Variants in PCDH9 observed in about 807,000 individuals in gnomAD.
PCDH9 encodes the protein protocadherin-9.
PCDH9 carries 24 observed loss-of-function variants against 70.6 expected under a neutral mutation model. The observed-to-expected ratio is 0.34, with a 90% CI of 0.25 to 0.48. The LOEUF is 0.48. Ranked by LOEUF, PCDH9 falls within the 20% of genes least tolerant of loss-of-function variation. The probability of loss-of-function intolerance (pLI) is 0.99; values close to 1 mark genes in which losing one functional copy is unlikely to be tolerated. For missense variants in PCDH9, 1,281 were observed against 1,503.6 expected (o/e 0.85, Z 2.45); for synonymous variants, 562 against 558.5 (o/e 1.01, Z -0.09).
At chr13:66,930,737 A>G (rs1195993515) in intron 2 of PCDH9, among the ~76,000 whole-genome samples, 2 of 152,138 alleles carry the variant, frequency 1.3e-5, no homozygotes, top group Non-Finnish European at 2.9e-5. Flanking sequence ...CTAGAAAAAA[A>G]ACAAGCAATA....
At chr13:66,782,341 G>A (rs1395624894) in intron 3 of PCDH9, among the ~76,000 whole-genome samples, 2 of 152,070 alleles carry the variant, frequency 1.3e-5, no homozygotes, top group Non-Finnish European at 2.9e-5. Flanking sequence ...GAAAGCAAGA[G>A]AGAATGCAGG....
intron 2 of PCDH9, among the ~76,000 whole-genome samples, chr13:66,992,321 C>CT (rs2084019645): frequency 6.6e-6 from 1 of 152,156 alleles, no homozygotes; most frequent in African/African-American, 2.4e-5. Context: ...TACTGCCACT[C>CT]TGTCAAGAAC....
intron 3 of PCDH9, among the ~76,000 whole-genome samples, chr13:66,867,976 T>G (rs1339599762): frequency 6.6e-6 from 1 of 152,038 alleles, no homozygotes; most frequent in African/African-American, 2.4e-5. Context: ...ATAGTATGTA[T>G]TCATATAAAT....
intron 4 of PCDH9, among the ~76,000 whole-genome samples, chr13:66,624,214 T>A (rs1418875645): frequency 1.3e-5 from 2 of 152,226 alleles, no homozygotes; most frequent in Non-Finnish European, 2.9e-5. Flanking sequence ...ATCATCCTAG[T>A]TATATTTGTT....
chr13:66,841,221 A>T (rs1382883503), intron 3 of PCDH9, among the ~76,000 whole-genome samples: 2 of 152,358 alleles, frequency 1.3e-5, no homozygotes, highest in South Asian at 2.1e-4. Context: ...GTTTTACAAC[A>T]GCCTACAGCC....
intron 3 of PCDH9, among the ~76,000 whole-genome samples, chr13:66,852,433 T>G (rs1199825906): frequency 6.6e-6 from 1 of 152,056 alleles, no homozygotes; most frequent in Non-Finnish European, 1.5e-5. Flanking sequence ...CCTATAAAGG[T>G]AAAACATTTA....
intron 2 of PCDH9, among the ~76,000 whole-genome samples, chr13:67,191,011 T>C (rs12857617): frequency 0.12 from 18,824 of 152,056 alleles, 1,296 homozygotes; most frequent in South Asian, 0.18. Flanking sequence ...GGTCTTGACC[T>C]CCATTCTATT....
At chr13:66,481,682 C>G (rs887060755) in intron 4 of PCDH9, among the ~76,000 whole-genome samples, 1 of 152,140 alleles carries the variant, frequency 6.6e-6, no homozygotes, top group African/African-American at 2.4e-5. Flanking sequence ...TTTAAAACAT[C>G]TGTGTTGTTA....
intron 2 of PCDH9, among the ~76,000 whole-genome samples, chr13:67,105,353 G>A (rs1412219473): frequency 6.6e-6 from 1 of 151,940 alleles, no homozygotes; most frequent in Non-Finnish European, 1.5e-5. Context: ...AAAACATAAG[G>A]AGCAGGACAT....
chr13:66,338,405 G>T (rs1956072513), intron 4 of PCDH9, among the ~76,000 whole-genome samples: 1 of 151,952 alleles, frequency 6.6e-6, no homozygotes, highest in African/African-American at 2.4e-5. Flanking sequence ...AAAATGAGAG[G>T]TTTTACAAAT....
At position 67,225,848 on chromosome 13, in the gene PCDH9, G is replaced by C. The variant is rs774845137; in HGVS notation, c.2593C>G (p.Gln865Glu). 6 of 1,613,884 alleles carry C rather than the reference G, an allele frequency of 3.7e-6. No homozygotes were observed. Among genetic ancestry groups the C allele is most frequent in the South Asian group, 3.3e-5 (3 of 91,078 alleles). Reference protein sequence around the residue: ...EWMSPNQENKQNKKKKRKKRK... With the variant: ...EWMSPNQENKENKKKKRKKRK... The stretch of plus-strand genomic sequence containing the variant: ...TTCTTTCTTTTCTTTTTCTTGTTTT[G>C]CTTGTTCTCCTGGTTTGGGGACATC... The change falls in exon 2 of 5, where the codon CAA (glutamine) becomes GAA (glutamate). Residue 865 changes from glutamine (Q) to glutamate (E), a missense_variant. Around this residue, in one of 4 missense-constraint regions of PCDH9, gnomAD observed 207 missense variants for 191.8 expected, o/e 1.08. Transcript: ENST00000377865.
At chr13:66,681,982 GT>G (rs959545512) in intron 3 of PCDH9, among the ~76,000 whole-genome samples, 2 of 83,376 alleles carry the variant, frequency 2.4e-5, no homozygotes, top group African/African-American at 1.1e-4. Context: ...AGAGATTTTG[GT>G]TTTTGTTTTG....
chr13:66,814,781 T>A (rs1183386991), intron 3 of PCDH9, among the ~76,000 whole-genome samples: 2 of 152,098 alleles, frequency 1.3e-5, no homozygotes, highest in Non-Finnish European at 1.5e-5. Context: ...AAGACTTAAA[T>A]GTAAAACCTA....
intron 4 of PCDH9, among the ~76,000 whole-genome samples, chr13:66,330,931 T>C (rs976045007): frequency 2.6e-5 from 4 of 152,162 alleles, no homozygotes; most frequent in African/African-American, 9.7e-5. Context: ...CTATGAAATT[T>C]GTTGAGAATA....
At chr13:67,179,169 G>A (rs993045408) in intron 2 of PCDH9, among the ~76,000 whole-genome samples, 1 of 151,916 alleles carries the variant, frequency 6.6e-6, no homozygotes, top group African/African-American at 2.4e-5. Flanking sequence ...TTAGCCACTC[G>A]GAATTAGTAA....
chr13:67,179,995 CTT>C (rs147108130), intron 2 of PCDH9, among the ~76,000 whole-genome samples: 1 of 152,236 alleles, frequency 6.6e-6, no homozygotes, highest in Non-Finnish European at 1.5e-5. Context: ...AGTTTATACA[CTT>C]TTGCATATAT....
chr13:66,437,404 C>CAAAAAAAAAAAAA (rs66796123), intron 4 of PCDH9, among the ~76,000 whole-genome samples: 8 of 45,586 alleles, frequency 1.8e-4, no homozygotes, highest in African/African-American at 4.1e-4. Context: ...GACTCTGTCT[C>CAAAAAAAAAAAAA]AAAAAAAAAA....
chr13:66,927,016 A>T (rs1275123025), intron 2 of PCDH9, among the ~76,000 whole-genome samples: 2 of 152,084 alleles, frequency 1.3e-5, no homozygotes, highest in Non-Finnish European at 2.9e-5. Context: ...TGACTCTCAG[A>T]TGGTCATTAT....
intron 4 of PCDH9, among the ~76,000 whole-genome samples, chr13:66,378,479 A>G (rs1483829562): frequency 6.6e-6 from 1 of 152,184 alleles, no homozygotes; most frequent in East Asian, 1.9e-4. Flanking sequence ...CTCATCAGAC[A>G]CTACAAGAAA....
Sources: allele counts gnomAD v4.1 joint callset (sites outside exome capture counted in the v4.1 genomes callset), GRCh38; gene constraint gnomAD v4.1.1; regional missense constraint gnomAD v4.1.1; transcripts MANE v1.5; gene names NCBI Gene and HGNC (gene_info 2026-07-23, HGNC 2026-07-21).